The following PTPN23 variants were observed in gnomAD, a reference collection of about 807,000 sequenced individuals.
PTPN23 encodes the protein protein tyrosine phosphatase non-receptor type 23, also known as tyrosine-protein phosphatase non-receptor type 23.
PTPN23 carries 72 observed loss-of-function variants against 156.3 expected under a neutral mutation model. That is an observed-to-expected ratio of 0.46 (90% CI 0.38 to 0.56). The LOEUF (loss-of-function observed/expected upper bound fraction) is 0.56, where lower values mean the gene tolerates loss of function less well. Among genes scored for constraint, PTPN23 ranks in the 20% least tolerant of loss-of-function variants. PTPN23 has a pLI of 0.00. For missense variants in PTPN23, 1,974 were observed against 2,171.5 expected (o/e 0.91, Z 1.81); for synonymous variants, 957 against 899.6 (o/e 1.06, Z -1.14).
chr3:47,407,379 G>T lies in PTPN23; in HGVS notation c.923+12G>T, dbSNP rs561225453. 4.3e-5 allele frequency: 69 copies of T among 1,613,844 alleles called. No homozygotes were observed. The South Asian group carries it at 7.4e-4, about 17-fold the overall frequency. ...GTCATTGGGGGAAAGTGAGTCTGTGGGGGTGGCCCTGGTTCCCTCTTTTTG... is the reference window on the plus strand; with the variant it reads ...GTCATTGGGGGAAAGTGAGTCTGTGTGGGTGGCCCTGGTTCCCTCTTTTTG... On this transcript the variant is annotated intron_variant, in intron 11 of 24. Transcript: ENST00000265562. The surrounding 1 kb of genome is among the most constrained non-coding windows in gnomAD (Gnocchi z 4.0).
At chr3:47,402,178 T>C (rs898075602) in intron 2 of PTPN23, among the ~76,000 whole-genome samples, 7 of 152,208 alleles carry the variant, frequency 4.6e-5, no homozygotes, top group African/African-American at 1.7e-4. Flanking sequence ...AATAGCTCTG[T>C]TGTTTATCAT....
At position 47,404,986 on chromosome 3, in the gene PTPN23, T is replaced by G; in HGVS notation, c.288-19T>G. 6.2e-7 allele frequency: 1 copy of G among 1,614,068 alleles called. No homozygotes were observed. Among genetic ancestry groups the G allele is most frequent in the Non-Finnish European group, 8.5e-7 (1 of 1,179,926 alleles). On this transcript the variant is annotated intron_variant, in intron 3 of 24. Coordinates refer to ENST00000265562, the MANE Select transcript of PTPN23 (RefSeq NM_015466.4). ...GGCTAGCTCCTGCCCTCGAGATAACTGGGGTGCCATGTCTGCAGGACAGAG... is the reference window on the plus strand; with the variant it reads ...GGCTAGCTCCTGCCCTCGAGATAACGGGGGTGCCATGTCTGCAGGACAGAG...
At chr3:47,404,610 C>T (rs754619209) in intron 2 of PTPN23, 42 bp from the exon 3 acceptor site, 2 of 1,607,450 alleles carry the variant, frequency 1.2e-6, no homozygotes, top group East Asian at 2.2e-5. Flanking sequence ...TGTCCACTGC[C>T]CCATATGACA....
At chr3:47,409,902 CCA>C in intron 19 of PTPN23, 24 bp from the exon 20 acceptor site, 3 of 1,573,520 alleles carry the variant, frequency 1.9e-6, no homozygotes, top group Non-Finnish European at 2.6e-6. Flanking sequence ...GAGCCTGGCC[CCA>C]CTTTTTCCTT....
chr3:47,409,040 C>T lies in PTPN23; in HGVS notation c.1595C>T (p.Pro532Leu), dbSNP rs1401681748. The T allele has an allele frequency of 7.4e-6, 12 of 1,613,738 alleles. No individual in the cohort carries two copies. The highest frequency in any genetic ancestry group is 3.3e-5 in the Admixed American group (2 of 59,998). Reference sequence around the variant, plus strand: ...GGCAACCTGCGCCTGCTCAGCGGGCCGCTTGACCAGGTCCGGGCTGCCCTG... The same window carrying T: ...GGCAACCTGCGCCTGCTCAGCGGGCTGCTTGACCAGGTCCGGGCTGCCCTG... ...HVGNLRLLSGPLDQVRAALPT... is the reference protein window; with the variant it reads ...HVGNLRLLSGLLDQVRAALPT... The change falls in exon 16 of 25, where the codon CCG becomes CTG. Residue 532 changes from proline (P) to leucine (L), a missense_variant. Physicochemically the swap from Pro to Leu is moderately conservative, Grantham distance 98. Transcript: ENST00000265562.
chr3:47,408,261 G>T, intron 14 of PTPN23, 84 bp from the exon 15 acceptor site: 1 of 1,547,784 alleles, frequency 6.5e-7, no homozygotes, highest in Non-Finnish European at 8.8e-7. Flanking sequence ...AGATTGAGTG[G>T]TGAGGCTTGC....
At chr3:47,386,707 G>T (rs1704661058) in intron 1 of PTPN23, among the ~76,000 whole-genome samples, 1 of 152,200 alleles carries the variant, frequency 6.6e-6, no homozygotes, top group Non-Finnish European at 1.5e-5. Context: ...ATGGGACATT[G>T]CCTGTTACCT....
At chr3:47,389,490 C>T (rs533046094) in intron 1 of PTPN23, among the ~76,000 whole-genome samples, 1 of 152,192 alleles carries the variant, frequency 6.6e-6, no homozygotes, top group East Asian at 1.9e-4. Flanking sequence ...CATGGTAGCT[C>T]ACGCCTGTAA....
intron 1 of PTPN23, among the ~76,000 whole-genome samples, chr3:47,389,050 C>T (rs1471661892): frequency 1.3e-5 from 2 of 152,188 alleles, no homozygotes; most frequent in African/African-American, 4.8e-5. Context: ...CCCACTCCCA[C>T]TACCCTTCCC....
intron 1 of PTPN23, among the ~76,000 whole-genome samples, chr3:47,382,068 A>G (rs1165672665): frequency 6.6e-6 from 1 of 152,346 alleles, no homozygotes; most frequent in Middle Eastern, 3.4e-3. Flanking sequence ...GTAAGCCCCA[A>G]TCTAGATGGT....
intron 1 of PTPN23, among the ~76,000 whole-genome samples, chr3:47,387,183 A>G (rs1213099079): frequency 6.6e-6 from 1 of 152,246 alleles, no homozygotes; most frequent in Admixed American, 6.5e-5. Context: ...GACATGGACC[A>G]AGGAGCTGAA....
chr3:47,396,075 T>C (rs1053757915), intron 1 of PTPN23, 68 bp from the exon 2 acceptor site: 88 of 1,277,958 alleles, frequency 6.9e-5, no homozygotes, highest in Non-Finnish European at 9.1e-5. Context: ...GGTTGGTGCT[T>C]GCCCAGGACT....
Position 47,409,157 on chromosome 3 carries a change from C to T in PTPN23, c.1643-6C>T. On this transcript the variant is annotated splice_polypyrimidine_tract_variant and splice_region_variant and intron_variant, in intron 16 of 24. Transcript: ENST00000265562. ...CTCTGGCCTCACTGACCACTGCTGC[C>T]CACAGAGGACAAGGCCGTGCTGCAA... The T allele has an allele frequency of 1.9e-6, 3 of 1,612,424 alleles. No homozygotes were observed. The highest frequency in any genetic ancestry group is 2.5e-6 in the Non-Finnish European group (3 of 1,178,840).
Position 47,412,627 on chromosome 3 carries a change from G to A in PTPN23, c.4431G>A (p.Lys1477=). Residue 1477 remains lysine (K), a splice_region_variant and synonymous_variant, in exon 24 of 25, where the codon AAG becomes AAA. Transcript: ENST00000265562. ...TGGCCAGTGCAAGCATCAGCCAGAAGGTGAGGAAGGTTCCGTGGAAGCTGC... is the reference window on the plus strand; with the variant it reads ...TGGCCAGTGCAAGCATCAGCCAGAAAGTGAGGAAGGTTCCGTGGAAGCTGC... ...KPLASASISQ[K]NHLPQDSQDL... is the part of the protein sequence containing the mutation. 1.2e-6 allele frequency: 2 copies of A among 1,612,536 alleles called. No homozygotes were observed. The highest frequency in any genetic ancestry group is 4.5e-5 in the East Asian group (2 of 44,852).
chr3:47,396,263 G>A (rs750954903), intron 2 of PTPN23, 46 bp downstream of exon 2: 11 of 1,514,494 alleles, frequency 7.3e-6, no homozygotes, highest in South Asian at 6.9e-5. Flanking sequence ...GACAGGATTG[G>A]TTTGATAGGG....
chr3:47,406,635 C>T lies in PTPN23; in HGVS notation c.759+23C>T, dbSNP rs767214421. The T allele has an allele frequency of 2.5e-5, 40 of 1,613,690 alleles. 1 individual carries two copies. Among genetic ancestry groups the T allele is most frequent in the East Asian group, 2.0e-4 (9 of 44,880 alleles). On this transcript the variant is annotated intron_variant, in intron 8 of 24. Transcript: ENST00000265562. This position sits in a 1 kb window ranked among gnomAD's most constrained non-coding sequence, Gnocchi z 5.8. The stretch of plus-strand genomic sequence containing the variant: ...CATGTGAGGGCCTGGGGCCCCAGGG[C>T]GGGGCAGGGCGGGGCTGAGTGGCCA...
rs767526696 is a variant in PTPN23 at position 47,410,305 on chromosome 3, G to A, written c.2507G>A (p.Arg836Gln). 45 of 1,604,246 alleles carry A rather than the reference G, an allele frequency of 2.8e-5. No individual in the cohort carries two copies. The highest frequency in any genetic ancestry group is 5.6e-5 in the South Asian group (5 of 89,458). The change falls in exon 20 of 25, where the codon CGA becomes CAA. Residue 836 changes from arginine (R) to glutamine (Q), a missense_variant. Arg to Gln is a conservative substitution (Grantham distance 43). This residue lies in a region of PTPN23 where 731 missense variants were observed against 669.1 expected (regional missense o/e 1.09). Transcript: ENST00000265562. ...AYTPELGLVP[R>Q]SSPQHGVVSS... Reference sequence around the variant, plus strand: ...ACACCGGAGCTGGGCCTTGTGCCCCGATCCTCCCCACAGCATGGCGTGGTG... The same window carrying A: ...ACACCGGAGCTGGGCCTTGTGCCCCAATCCTCCCCACAGCATGGCGTGGTG...
In PTPN23 at chr3:47,405,898, C is replaced by T. The variant is rs754912919; in HGVS notation, c.415-17C>T. ...ACCCATGGAGTGGACACAGGCCATC[C>T]TCCCACTCCCTCCCAGGGCATGAAG... On this transcript the variant is annotated splice_polypyrimidine_tract_variant and intron_variant, in intron 5 of 24. Coordinates refer to ENST00000265562, the MANE Select transcript of PTPN23 (RefSeq NM_015466.4). This position sits in a 1 kb window ranked among gnomAD's most constrained non-coding sequence, Gnocchi z 4.7. 2.5e-6 allele frequency: 4 copies of T among 1,612,264 alleles called. No homozygotes were observed. Among genetic ancestry groups the T allele is most frequent in the South Asian group, 2.2e-5 (2 of 90,870 alleles).
chr3:47,413,028 C>T lies in PTPN23; in HGVS notation c.4754C>T (p.Pro1585Leu). ...SSLELLASLTPEAFSLDSSLR... is the reference protein window; with the variant it reads ...SSLELLASLTLEAFSLDSSLR... ...CTGGAATTGCTGGCCTCCTTGACCC[C>T]AGAGGCCTTCTCCCTGGACAGCTCC... The change falls in exon 25 of 25, where the codon CCA (proline) becomes CTA (leucine). Residue 1585 changes from proline to leucine, a missense_variant. Around this residue, in one of 4 missense-constraint regions of PTPN23, gnomAD observed 484 missense variants for 516.0 expected, o/e 0.94. Transcript: ENST00000265562. The T allele has an allele frequency of 1.2e-6, 2 of 1,612,966 alleles. No homozygotes were observed. Among genetic ancestry groups the T allele is most frequent in the South Asian group, 1.1e-5 (1 of 91,082 alleles).
Sources: allele counts gnomAD v4.1 joint callset (sites outside exome capture counted in the v4.1 genomes callset), GRCh38; gene constraint gnomAD v4.1.1; regional missense constraint gnomAD v4.1.1; non-coding constraint Gnocchi (gnomAD v3.1); transcripts MANE v1.5; gene names NCBI Gene and HGNC (gene_info 2026-07-23, HGNC 2026-07-21).